DNMT3A: variants seen among roughly 807,000 people sequenced by gnomAD.
DNMT3A encodes DNA (cytosine-5)-methyltransferase 3A.
A neutral mutation model predicts 117.6 loss-of-function variants in DNMT3A; 267 were observed. The observed-to-expected ratio is 2.27, with a 90% confidence interval of 2.05 to 2.51. The LOEUF (loss-of-function observed/expected upper bound fraction) is 2.51. Ranked by LOEUF, DNMT3A falls within the 30% of genes most tolerant of loss-of-function variation. DNMT3A has a pLI of 0.00. For synonymous variants in DNMT3A, 432 were observed against 474.8 expected, an observed-to-expected ratio of 0.91 and a Z score of 1.17; for missense variants, 1,029 against 1,260.2, an observed-to-expected ratio of 0.82 and a Z score of 2.78.
At position 25,300,139 on chromosome 2, in the gene DNMT3A, C is replaced by T. The variant is rs1558721525; in HGVS notation, c.177G>A (p.Pro59=). ...AGGGTGTGTAGGATGTGACACTCAC[C>T]GGGGGGTGCTTGCGCTTCCTCCCAG... ...GRPGRKRKHP[P]VESGDTPKDP... is the part of the protein sequence containing the mutation. The change falls in exon 3 of 23, where the codon CCG becomes CCA. Residue 59 remains proline, a splice_region_variant and synonymous_variant. Transcript: ENST00000321117. 1.2e-6 allele frequency: 2 copies of T among 1,612,964 alleles called. No homozygotes were observed. The highest frequency in any genetic ancestry group is 1.7e-6 in the Non-Finnish European group (2 of 1,179,686).
At chr2:25,271,134 CAA>C (rs1219994168) in intron 6 of DNMT3A, among the ~76,000 whole-genome samples, 1 of 151,928 alleles carries the variant, frequency 6.6e-6, no homozygotes, top group Non-Finnish European at 1.5e-5. Flanking sequence ...CACCTGAGGT[CAA>C]GAGTTCAAGA....
chr2:25,249,866 TCTA>T, intron 6 of DNMT3A: 1 of 916,056 alleles, frequency 1.1e-6, no homozygotes, highest in Non-Finnish European at 1.7e-6. Flanking sequence ...AACCCCATTT[TCTA>T]CATGCCTTTC....
chr2:25,296,528 G>A lies in DNMT3A; in HGVS notation c.177+3611C>T, dbSNP rs986525326. Among the ~76,000 whole-genome samples the A allele has an allele frequency of 3.3e-5, 5 of 152,180 alleles. No homozygotes were observed. The highest frequency in any genetic ancestry group is 7.2e-5 in the African/African-American group (3 of 41,426). ...GGGGGTTCCTGAAGAAGGACGTGCC[G>A]GTGCTACATTTACTGTGATTATGTG... On this transcript the variant is annotated intron_variant, in intron 3 of 22. Coordinates refer to ENST00000321117, the MANE Select transcript of DNMT3A (RefSeq NM_022552.5). This position sits in a 1 kb window ranked among gnomAD's most constrained non-coding sequence, Gnocchi z 4.2.
chr2:25,341,454 C>G (rs1402813731), intron 1 of DNMT3A, among the ~76,000 whole-genome samples: 1 of 145,522 alleles, frequency 6.9e-6, no homozygotes, highest in Non-Finnish European at 1.5e-5. Flanking sequence ...GCGGCAGCGG[C>G]GAGCCGGGCA....
Position 25,281,374 on chromosome 2 carries a change from A to G in DNMT3A, c.448+1067T>C. On this transcript the variant is annotated intron_variant, in intron 4 of 22. Transcript: ENST00000321117. The surrounding 1 kb of genome is among the most constrained non-coding windows in gnomAD (Gnocchi z 4.8). ...GGAGTAAATAAAACAACTAATACAGATTCCCTCTGTAGTGTTCTGCACATA... is the reference window on the plus strand; with the variant it reads ...GGAGTAAATAAAACAACTAATACAGGTTCCCTCTGTAGTGTTCTGCACATA... 2.2e-6 allele frequency: 2 copies of G among 922,120 alleles called. No individual in the cohort carries two copies. Among genetic ancestry groups the G allele is most frequent in the African/African-American group, 1.8e-5 (1 of 56,428 alleles). The allele number at this position is 922,120 out of a possible 1,614,324, so 57.1% of individuals were successfully genotyped here. A position where few individuals can be genotyped will look rare whatever the true frequency, so the allele number is the denominator to read the frequency against.
chr2:25,311,230 G>A lies in DNMT3A; in HGVS notation c.72+2683C>T, dbSNP rs2034099086. Among the ~76,000 whole-genome samples the A allele has an allele frequency of 1.3e-5, 2 of 152,184 alleles. No individual in the cohort carries two copies. Among genetic ancestry groups the A allele is most frequent in the Admixed American group, 1.3e-4 (2 of 15,286 alleles). ...TGGCCACACCCCTTCCATCTGGCTT[G>A]CCAAACAGTTCCTTTGTGCACAGTG... is the stretch of plus-strand genomic sequence containing the variant. On this transcript the variant is annotated intron_variant, in intron 2 of 22. Transcript: ENST00000321117. This position sits in a 1 kb window ranked among gnomAD's most constrained non-coding sequence, Gnocchi z 5.2.
At chr2:25,277,165 C>A (rs982454221) in intron 4 of DNMT3A, among the ~76,000 whole-genome samples, 5 of 152,124 alleles carry the variant, frequency 3.3e-5, no homozygotes, top group African/African-American at 4.8e-5. Flanking sequence ...TGCGCGTGGG[C>A]GGGCGCGCAC....
In DNMT3A at chr2:25,304,741, C is replaced by A. The variant is rs1181642853; in HGVS notation, c.73-4498G>T. Among the ~76,000 whole-genome samples, 7 of 152,230 alleles carry A rather than the reference C, an allele frequency of 4.6e-5. No individual in the cohort carries two copies. The highest frequency in any genetic ancestry group is 4.6e-4 in the Admixed American group (7 of 15,288). ...TTGGTCTCTTCTCCACACTGTGGTC[C>A]CAACAGACAGCACCAAGCGCGAAAG... On this transcript the variant is annotated intron_variant, in intron 2 of 22. Coordinates refer to ENST00000321117, the MANE Select transcript of DNMT3A (RefSeq NM_022552.5). This position sits in a 1 kb window ranked among gnomAD's most constrained non-coding sequence, Gnocchi z 4.3.
rs760524961 is a variant in DNMT3A at position 25,246,176 on chromosome 2, A to G, written c.1413T>C (p.Ile471=). 7.0e-5 allele frequency: 113 copies of G among 1,613,890 alleles called. No individual in the cohort carries two copies. Among genetic ancestry groups the G allele is most frequent in the Non-Finnish European group, 9.4e-5 (111 of 1,179,948 alleles). Residue 471 remains isoleucine (I), a synonymous_variant, in exon 11 of 23, where the codon ATT becomes ATC. Transcript: ENST00000321117. ...TAEKPKVKEI[I]DERTRERLVY... ...GCCAACTACCTCTTGTGCGCTCATC[A>G]ATAATCTCCTTGACCTTGGGCTTCT... is the stretch of plus-strand genomic sequence containing the variant.
Position 25,237,079 on chromosome 2 carries a change from C to G in DNMT3A, c.2409-74G>C. On this transcript the variant is annotated intron_variant, in intron 20 of 22. Coordinates refer to ENST00000321117, the MANE Select transcript of DNMT3A (RefSeq NM_022552.5). The surrounding 1 kb of genome is among the most constrained non-coding windows in gnomAD (Gnocchi z 5.4). ...GGAAGGGCCCCAGCTGCACGACTCC[C>G]CTCCCTCCCCCAGCAGCCACTAGTT... 1 of 1,456,734 alleles carries G rather than the reference C, an allele frequency of 6.9e-7. No homozygotes were observed. The highest frequency in any genetic ancestry group is 9.5e-7 in the Non-Finnish European group (1 of 1,054,874). The allele number at this position is 1,456,734 out of a possible 1,614,324, so 90.2% of individuals were successfully genotyped here.
intron 6 of DNMT3A, among the ~76,000 whole-genome samples, chr2:25,259,381 G>T (rs1249938385): frequency 6.6e-6 from 1 of 152,210 alleles, no homozygotes; most frequent in African/African-American, 2.4e-5. Flanking sequence ...ACTGGGAGGG[G>T]ATGCCAGGTC....
chr2:25,338,656 C>A (rs2035300446), intron 1 of DNMT3A, among the ~76,000 whole-genome samples: 1 of 152,188 alleles, frequency 6.6e-6, no homozygotes, highest in African/African-American at 2.4e-5. Context: ...GAGGCAAGGC[C>A]CCTGTTTCCT....
chr2:25,235,816 C>CT lies in DNMT3A; in HGVS notation c.2487dup (p.Val830SerfsTer25). ...TTTGACCTCGTAGTAATGGTCCTCA[C>CT]TTTGCTGAACTAGATGAAGAGGAGA... is the stretch of plus-strand genomic sequence containing the variant. On this transcript the variant is annotated frameshift_variant, in exon 22 of 23. Transcript: ENST00000321117. LOFTEE classifies it high-confidence loss of function. 1.2e-6 allele frequency: 2 copies of CT among 1,613,798 alleles called. No homozygotes were observed. The highest frequency in any genetic ancestry group is 1.7e-6 in the Non-Finnish European group (2 of 1,179,740).
chr2:25,250,584 G>T (rs929068199), intron 6 of DNMT3A, among the ~76,000 whole-genome samples: 1 of 152,216 alleles, frequency 6.6e-6, no homozygotes, highest in Non-Finnish European at 1.5e-5. Context: ...CCTACGAGAA[G>T]GTGCACTGAA....
rs567539431 is a variant in DNMT3A at position 25,286,500 on chromosome 2, C to T, written c.178-3789G>A. ...CCAACCATCCCCTCCTGCTCACCTG[C>T]TCTCTCAGGTTCTGGATGAGATGAT... On this transcript the variant is annotated intron_variant, in intron 3 of 22. Transcript: ENST00000321117. The surrounding 1 kb of genome is among the most constrained non-coding windows in gnomAD (Gnocchi z 4.3). Among the ~76,000 whole-genome samples, 2 of 152,348 alleles carry T rather than the reference C, an allele frequency of 1.3e-5. No individual in the cohort carries two copies. Among genetic ancestry groups the T allele is most frequent in the Admixed American group, 1.3e-4 (2 of 15,310 alleles).
At chr2:25,341,011 G>A (rs1194819182) in intron 1 of DNMT3A, among the ~76,000 whole-genome samples, 4 of 146,836 alleles carry the variant, frequency 2.7e-5, no homozygotes, top group Admixed American at 6.7e-5. Context: ...GCACTCCGGG[G>A]GAAGGTGTGC....
intron 1 of DNMT3A, among the ~76,000 whole-genome samples, chr2:25,322,333 T>A (rs914603359): frequency 9.9e-5 from 15 of 152,120 alleles, no homozygotes; most frequent in Admixed American, 2.0e-4. Flanking sequence ...AGAGTGTAGC[T>A]GAGGCCTTTC....
intron 2 of DNMT3A, among the ~76,000 whole-genome samples, chr2:25,303,227 A>G (rs2033612339): frequency 6.6e-6 from 1 of 152,226 alleles, no homozygotes; most frequent in Non-Finnish European, 1.5e-5. Flanking sequence ...AGAGCGTCTG[A>G]TCAGTGAAAG....
chr2:25,338,687 G>A (rs1485295962), intron 1 of DNMT3A, among the ~76,000 whole-genome samples: 1 of 152,152 alleles, frequency 6.6e-6, no homozygotes, highest in South Asian at 2.1e-4. Flanking sequence ...AACTGAGAGC[G>A]GGGACAGACA....
Sources: gnomAD v4.1 joint callset for allele counts (sites outside exome capture counted in the v4.1 genomes callset) on GRCh38, gnomAD v4.1.1 for gene constraint, Gnocchi (gnomAD v3.1) non-coding constraint, MANE v1.5 for transcripts, NCBI Gene and HGNC (gene_info 2026-07-23, HGNC 2026-07-21) for gene names.